Variants in TENM2 observed in about 807,000 individuals in gnomAD.
TENM2 encodes teneurin-2.
In TENM2, 52 loss-of-function variants were observed where a neutral mutation model predicts 245.2. That is an observed-to-expected ratio of 0.21 (90% CI 0.17 to 0.27). The LOEUF is 0.27. Among genes scored for constraint, TENM2 ranks in the 10% least tolerant of loss-of-function variants. The pLI is 1.00. For missense variants in TENM2, 3,046 were observed against 3,666.8 expected, an observed-to-expected ratio of 0.83 and a Z score of 4.37; for synonymous variants, 1,363 against 1,438.9, an observed-to-expected ratio of 0.95 and a Z score of 1.19.
At chr5:167,913,536 C>T in intron 3 of TENM2, among the ~76,000 whole-genome samples, 1 of 152,214 alleles carries the variant, frequency 6.6e-6, no homozygotes, top group East Asian at 1.9e-4. Context: ...TGAATTGAGA[C>T]TAGCTTCAAG....
intron 12 of TENM2, among the ~76,000 whole-genome samples, chr5:168,156,927 G>A (rs551070886): frequency 3.3e-5 from 5 of 152,270 alleles, no homozygotes; most frequent in African/African-American, 7.2e-5. Context: ...GCAGCCGTTC[G>A]GTTCACAGTA....
chr5:168,182,919 C>T (rs1174538965), intron 13 of TENM2, among the ~76,000 whole-genome samples: 2 of 151,436 alleles, frequency 1.3e-5, no homozygotes, highest in Non-Finnish European at 2.9e-5. Context: ...CAACCTCCGC[C>T]TCCCGCGTTC....
the TENM2 span, among the ~76,000 whole-genome samples, chr5:166,999,695 CA>C: frequency 1.3e-5 from 2 of 152,140 alleles, no homozygotes; most frequent in African/African-American, 4.8e-5. Flanking sequence ...GGATGGTGAG[CA>C]GCATTCATCA....
chr5:167,062,313 TG>T, the TENM2 span, among the ~76,000 whole-genome samples: 2 of 152,182 alleles, frequency 1.3e-5, no homozygotes, highest in Non-Finnish European at 2.9e-5. Context: ...TTTATAAATC[TG>T]GCTGAGACGT....
chr5:168,190,568 C>A, intron 14 of TENM2, 21 bp downstream of exon 16: 1 of 1,597,652 alleles, frequency 6.3e-7, no homozygotes, highest in South Asian at 1.1e-5. Context: ...TCTGTCCCTG[C>A]AAACTCCTGA....
intron 4 of TENM2, among the ~76,000 whole-genome samples, chr5:167,975,856 C>T (rs1417591638): frequency 6.6e-6 from 1 of 151,388 alleles, no homozygotes; most frequent in Admixed American, 6.6e-5. Flanking sequence ...CAACAGTGCC[C>T]CAAACTTAAA....
chr5:167,183,142 T>A, the TENM2 span, among the ~76,000 whole-genome samples: 2 of 152,276 alleles, frequency 1.3e-5, no homozygotes, highest in South Asian at 4.1e-4. Context: ...TCATCCCTCA[T>A]TTTATACCTC....
chr5:167,255,073 CT>C, the TENM2 span, among the ~76,000 whole-genome samples: 815 of 125,348 alleles, frequency 6.5e-3, 1 homozygote, highest in East Asian at 0.012. Context: ...CTTTTCTTTT[CT>C]TTTTTTTTTT....
Position 167,820,830 on chromosome 5 carries a change from C to G in TENM2, c.503-55156C>G, listed in dbSNP as rs13355638. ...CCCAAATGAAGTCCTGCAGCTTAAG[C>G]TCATTTAAAGGCAAAGTGTGCATTG... On this transcript the variant is annotated intron_variant, in intron 2 of 28. Coordinates refer to ENST00000518659, the Ensembl canonical transcript of TENM2. 7.3e-3 allele frequency among the ~76,000 whole-genome samples: 1,106 copies of G among 152,258 alleles called. 12 individuals carry two copies. Among genetic ancestry groups the G allele is most frequent in the African/African-American group, 0.025 (1,054 of 41,536 alleles).
chr5:167,563,315 T>C (rs1312061246), intron 2 of TENM2, among the ~76,000 whole-genome samples: 1 of 152,218 alleles, frequency 6.6e-6, no homozygotes, highest in Non-Finnish European at 1.5e-5. Context: ...CCTTAGCCTT[T>C]CCATGGTGGC....
At chr5:167,107,531 T>C in the TENM2 span, among the ~76,000 whole-genome samples, 1 of 152,182 alleles carries the variant, frequency 6.6e-6, no homozygotes, top group Non-Finnish European at 1.5e-5. Context: ...AAAATGGCTT[T>C]ACAAAAAATT....
chr5:167,707,245 T>G (rs909901073), intron 2 of TENM2, among the ~76,000 whole-genome samples: 8 of 152,146 alleles, frequency 5.3e-5, no homozygotes, highest in Non-Finnish European at 5.9e-5. Flanking sequence ...CTTTGTTCAT[T>G]TTTAAATCAG....
intron 12 of TENM2, among the ~76,000 whole-genome samples, chr5:168,139,034 T>G (rs965386822): frequency 1.3e-5 from 2 of 152,224 alleles, no homozygotes; most frequent in African/African-American, 4.8e-5. Context: ...ATCAATAATG[T>G]TTGGTTAATT....
chr5:167,519,289 A>T (rs1341321738), intron 2 of TENM2, among the ~76,000 whole-genome samples: 1 of 152,136 alleles, frequency 6.6e-6, no homozygotes, highest in African/African-American at 2.4e-5. Context: ...TTTCTACAGG[A>T]TTTATCCCAA....
chr5:167,578,728 T>C (rs1774880234), intron 2 of TENM2, among the ~76,000 whole-genome samples: 1 of 152,214 alleles, frequency 6.6e-6, no homozygotes, highest in African/African-American at 2.4e-5. Context: ...CTCTCTGAAT[T>C]GCCTGTGTTG....
intron 6 of TENM2, among the ~76,000 whole-genome samples, chr5:168,059,732 C>T (rs1789870050): frequency 6.6e-6 from 1 of 152,102 alleles, no homozygotes; most frequent in Non-Finnish European, 1.5e-5. Flanking sequence ...TCCTGATCAA[C>T]TTGTTGTGAT....
At chr5:167,879,805 C>T (rs1773727443) in intron 3 of TENM2, among the ~76,000 whole-genome samples, 1 of 151,998 alleles carries the variant, frequency 6.6e-6, no homozygotes, top group Non-Finnish European at 1.5e-5. Flanking sequence ...AAGAGCTGTC[C>T]CAGTCAGAGA....
At chr5:167,014,826 A>T in the TENM2 span, among the ~76,000 whole-genome samples, 4 of 152,336 alleles carry the variant, frequency 2.6e-5, no homozygotes, top group East Asian at 7.7e-4. Flanking sequence ...TATCAATCCC[A>T]GAAGTGACAT....
chr5:168,052,798 G>A (rs562860001), intron 6 of TENM2, among the ~76,000 whole-genome samples: 3 of 151,940 alleles, frequency 2.0e-5, no homozygotes, highest in South Asian at 2.1e-4. Context: ...TGTGCCTGGA[G>A]CACATTTCCT....
Sources: gnomAD v4.1 joint callset for allele counts (sites outside exome capture counted in the v4.1 genomes callset) on GRCh38, gnomAD v4.1.1 for gene constraint, MANE v1.5 for transcripts, NCBI Gene and HGNC (gene_info 2026-07-23, HGNC 2026-07-21) for gene names.